The following NNT variants were observed in gnomAD, a reference collection of about 807,000 sequenced individuals.
NNT encodes nicotinamide nucleotide transhydrogenase.
In NNT, 50 loss-of-function variants were observed where a neutral mutation model predicts 104.8. That is an observed-to-expected ratio of 0.48 (90% confidence interval 0.38 to 0.60). The LOEUF is 0.60. Ranked by LOEUF, NNT falls within the 20% of genes least tolerant of loss-of-function variation. NNT has a pLI of 0.00. For missense variants in NNT, 1,131 were observed against 1,330.7 expected (o/e 0.85, Z 2.33); for synonymous variants, 461 against 490.4 (o/e 0.94, Z 0.79).
At position 43,649,177 on chromosome 5, in the gene NNT, C is replaced by T. The variant is rs547961335; in HGVS notation, c.1475C>T (p.Ala492Val). The change falls in exon 11 of 22, where the codon GCG becomes GTG. Residue 492 changes from alanine (A) to valine (V), a missense_variant. Ala to Val is a moderately conservative substitution (Grantham distance 64, BLOSUM62 0). Coordinates refer to ENST00000344920, the MANE Select transcript of NNT (RefSeq NM_182977.3). ...GLTGILGLGI[A>V]APNLAFSQMV... is the part of the protein sequence containing the mutation. ...ACAGGGATACTGGGTTTGGGCATTG[C>T]GGCTCCCAATCTAGCCTTTTCTCAG... 5.4e-5 allele frequency: 87 copies of T among 1,614,162 alleles called. No homozygotes were observed. In the East Asian group the frequency reaches 9.8e-4, roughly 18 times the overall value.
intron 12 of NNT, 101 bp downstream of exon 12, chr5:43,650,688 T>A (rs74394882): frequency 0.04 from 33,460 of 827,262 alleles, 951 homozygotes; most frequent in East Asian, 0.11. Context: ...TCAAAAAATG[T>A]TTCACTCTGA....
At position 43,653,182 on chromosome 5, in the gene NNT, G is replaced by T; in HGVS notation, c.2028G>T (p.Met676Ile). ...CGGGCCCAGAATTACTAGCTCAGAT[G>T]TCTGGAGCGATGGCTTTGGGTGGTA... ...LKPGPELLAQ[M>I]SGAMALGGTI... The change falls in exon 14 of 22, where the codon ATG (methionine) becomes ATT (isoleucine). Residue 676 changes from methionine to isoleucine, a missense_variant. Transcript: ENST00000344920. The T allele has an allele frequency of 6.2e-7, 1 of 1,614,158 alleles. No homozygotes were observed. The highest frequency in any genetic ancestry group is 8.5e-7 in the Non-Finnish European group (1 of 1,180,020).
chr5:43,698,237 C>T (rs556455121), intron 19 of NNT, among the ~76,000 whole-genome samples: 119 of 151,338 alleles, frequency 7.9e-4, no homozygotes, highest in African/African-American at 2.8e-3. Context: ...CCTCAAATAA[C>T]GTCATTTTGT....
intron 19 of NNT, among the ~76,000 whole-genome samples, chr5:43,678,809 A>G (rs1040079362): frequency 1.3e-5 from 2 of 152,184 alleles, no homozygotes; most frequent in African/African-American, 4.8e-5. Context: ...AGATGATGAA[A>G]TCAGGGGGCT....
chr5:43,644,847 TG>T (rs1751414650), intron 9 of NNT, 45 bp downstream of exon 9: 2 of 1,478,030 alleles, frequency 1.4e-6, no homozygotes, highest in African/African-American at 2.8e-5. Flanking sequence ...AATGTAAATT[TG>T]TTTTAGAATT....
chr5:43,635,106 TTA>T (rs1425263991), intron 7 of NNT, among the ~76,000 whole-genome samples: 1 of 152,202 alleles, frequency 6.6e-6, no homozygotes, highest in Admixed American at 6.5e-5. Context: ...TCCATTTTCC[TTA>T]TAGTTTCTTG....
intron 16 of NNT, among the ~76,000 whole-genome samples, chr5:43,658,701 G>A (rs2111959897): frequency 6.6e-6 from 1 of 152,314 alleles, no homozygotes; most frequent in East Asian, 1.9e-4. Context: ...CCTCTAGCCT[G>A]CTTCTTTGTG....
intron 19 of NNT, among the ~76,000 whole-genome samples, chr5:43,682,231 G>GT (rs1432552736): frequency 7.9e-5 from 3 of 37,944 alleles, no homozygotes; most frequent in Admixed American, 5.4e-4. Flanking sequence ...TTTTTTTTTT[G>GT]TTGGAATCTT....
chr5:43,700,067 G>C (rs1475601812), intron 19 of NNT, 52 bp from the exon 20 acceptor site: 1 of 1,428,808 alleles, frequency 7.0e-7, no homozygotes, highest in East Asian at 2.3e-5. Flanking sequence ...TGGGGTCTCT[G>C]TACATTATGT....
intron 17 of NNT, among the ~76,000 whole-genome samples, chr5:43,672,143 T>C (rs755161064): frequency 1.0e-3 from 158 of 152,214 alleles, no homozygotes; most frequent in Admixed American, 1.8e-3. Flanking sequence ...ATCAGGTCAT[T>C]TAAGTACTTC....
intron 14 of NNT, among the ~76,000 whole-genome samples, chr5:43,653,824 G>A (rs1739897887): frequency 6.6e-6 from 1 of 151,896 alleles, no homozygotes; most frequent in South Asian, 2.1e-4. Context: ...GCATGGTGGC[G>A]TACAACTGTA....
chr5:43,617,934 GTAT>G (rs910103596), intron 4 of NNT, among the ~76,000 whole-genome samples: 1 of 152,114 alleles, frequency 6.6e-6, no homozygotes, highest in African/African-American at 2.4e-5. Context: ...ATTGTATCAA[GTAT>G]TATTATGTAA....
chr5:43,675,727 T>G, intron 18 of NNT, 57 bp downstream of exon 18: 1 of 1,250,096 alleles, frequency 8.0e-7, no homozygotes, highest in Admixed American at 3.2e-5. Context: ...TTGATGACAT[T>G]AAAATTTCTT....
chr5:43,607,730 C>T (rs1219424439), intron 1 of NNT, among the ~76,000 whole-genome samples: 1 of 151,848 alleles, frequency 6.6e-6, no homozygotes, highest in Non-Finnish European at 1.5e-5. Flanking sequence ...CATGAGCCAC[C>T]AAGCCTGGCC....
At chr5:43,633,714 A>G (rs1750798948) in intron 7 of NNT, among the ~76,000 whole-genome samples, 1 of 152,166 alleles carries the variant, frequency 6.6e-6, no homozygotes, top group South Asian at 2.1e-4. Context: ...CTGAACTAAT[A>G]ATTCTGGATA....
At chr5:43,657,653 G>A (rs1740129701) in intron 16 of NNT, among the ~76,000 whole-genome samples, 1 of 152,058 alleles carries the variant, frequency 6.6e-6, no homozygotes, top group Non-Finnish European at 1.5e-5. Context: ...TGGCAGTTAG[G>A]TCATGATTTT....
In NNT at chr5:43,655,848, A is replaced by G. The variant is rs777295503; in HGVS notation, c.2068A>G (p.Ile690Val). 2 of 1,613,848 alleles carry G rather than the reference A, an allele frequency of 1.2e-6. No homozygotes were observed. The highest frequency in any genetic ancestry group is 1.7e-6 in the Non-Finnish European group (2 of 1,179,722). ...MALGGTIGLT[I>V]AKRIQISDLP... ...TTGACCTTTCATAACAGGATTGACA[A>G]TTGCCAAACGCATCCAGATTTCTGA... The change falls in exon 15 of 22, where the codon ATT becomes GTT. Residue 690 changes from isoleucine to valine, a missense_variant. By Grantham distance (29) the Ile-to-Val change is conservative. Transcript: ENST00000344920.
rs758712069 is a variant in NNT, at chr5:43,675,584, T to C, written c.2708T>C (p.Met903Thr). ...ACTTCAACAGCTGGTGGAAAACCCA[T>C]GGAAATTTCTGGCACACATACGGAA... is the stretch of plus-strand genomic sequence containing the variant. The part of the protein sequence containing the change: ...GTTSTAGGKP[M>T]EISGTHTEIN... Residue 903 changes from methionine (M) to threonine (T), a missense_variant, in exon 18 of 22, where the codon ATG becomes ACG. Met to Thr is a moderately conservative substitution (Grantham distance 81). Transcript: ENST00000344920. The C allele has an allele frequency of 2.3e-5, 37 of 1,613,554 alleles. No homozygotes were observed. The highest frequency in any genetic ancestry group is 3.1e-5 in the Non-Finnish European group (37 of 1,179,884).
At position 43,656,318 on chromosome 5, in the gene NNT, A is replaced by T. The variant is rs371979346; in HGVS notation, c.2293+245A>T. On this transcript the variant is annotated intron_variant, in intron 15 of 21. Transcript: ENST00000344920. ...AATATTACTACTAATAAAAAAGATT[A>T]AAAAAAATGCCTTAACAGTAAAACT... Among the ~76,000 whole-genome samples, 151 of 151,466 alleles carry T rather than the reference A, an allele frequency of 1.0e-3. 2 individuals carry two copies. Among genetic ancestry groups the T allele is most frequent in the African/African-American group, 2.5e-3 (102 of 41,178 alleles).
Sources: allele counts gnomAD v4.1 joint callset (sites outside exome capture counted in the v4.1 genomes callset), GRCh38; gene constraint gnomAD v4.1.1; transcripts MANE v1.5; gene names NCBI Gene and HGNC (gene_info 2026-07-23, HGNC 2026-07-21).